FADS2: variants seen among roughly 807,000 people sequenced by gnomAD.
FADS2 encodes the protein fatty acid desaturase 2, also known as acyl-CoA 6-desaturase.
In FADS2, 18 loss-of-function variants were observed where a neutral mutation model predicts 61.2. The ratio of observed to expected loss-of-function variants is 0.29; its 90% confidence interval spans 0.20 to 0.44. The LOEUF (loss-of-function observed/expected upper bound fraction) is 0.44. FADS2 is among the 20% of genes least tolerant of loss of function. FADS2 has a pLI of 1.00. For synonymous variants in FADS2, 203 were observed against 223.9 expected (o/e 0.91, Z 0.83); for missense variants, 322 against 572.7 (o/e 0.56, Z 4.47).
intron 4 of FADS2, among the ~76,000 whole-genome samples, chr11:61,846,131 C>CTTTTTTTTTTTTTTT (rs550169322): frequency 7.7e-6 from 1 of 130,482 alleles, no homozygotes; most frequent in East Asian, 2.3e-4. Flanking sequence ...TCTTTCTTTT[C>CTTTTTTTTTTTTTTT]TTTTTTTTTT....
chr11:61,840,585 G>A (rs2067210925), intron 3 of FADS2, 39 bp from the exon 4 acceptor site: 1 of 1,613,494 alleles, frequency 6.2e-7, no homozygotes, highest in Non-Finnish European at 8.5e-7. Flanking sequence ...GTGCCTGTTT[G>A]CTGAGGCTGT....
intron 1 of FADS2, among the ~76,000 whole-genome samples, chr11:61,830,222 G>A (rs2067117514): frequency 6.6e-6 from 1 of 152,196 alleles, no homozygotes; most frequent in Admixed American, 6.5e-5. Context: ...GATTTCATAG[G>A]TAAATTGTAG....
chr11:61,817,133 G>T (rs987813912), intron 1 of FADS2: 5 of 541,916 alleles, frequency 9.2e-6, no homozygotes, highest in Admixed American at 4.4e-5. Context: ...TGCAGGCCCT[G>T]GGTGCGGGGC....
Position 61,848,585 on chromosome 11 carries a change from A to T in FADS2, c.744+301A>T, listed in dbSNP as rs557338311. 1.5e-4 allele frequency: 53 copies of T among 354,094 alleles called. No individual in the cohort carries two copies. In the East Asian group the frequency reaches 2.9e-3, roughly 19 times the overall value. The allele number at this position is 354,094 out of a possible 1,614,324, so 21.9% of individuals were successfully genotyped here. A position where few individuals can be genotyped will look rare whatever the true frequency, so the allele number is the denominator to read the frequency against. ...GCTGGAATGTATGTGGAATGGCCTC[A>T]CCTGTAAATACAGACACAGCTCCTC... On this transcript the variant is annotated intron_variant, in intron 5 of 11. Coordinates refer to ENST00000278840, the MANE Select transcript of FADS2 (RefSeq NM_004265.4).
chr11:61,835,738 G>A (rs887496287), intron 1 of FADS2, among the ~76,000 whole-genome samples: 1 of 151,994 alleles, frequency 6.6e-6, no homozygotes, highest in Non-Finnish European at 1.5e-5. Flanking sequence ...CTTAAATGTT[G>A]AAGGAACAAG....
chr11:61,862,117 G>C (rs1565337579), intron 7 of FADS2: 1 of 152,440 alleles, frequency 6.6e-6, no homozygotes, highest in Non-Finnish European at 1.5e-5. Flanking sequence ...AGGCCCCGGG[G>C]AGGGAGTAAG....
intron 1 of FADS2, among the ~76,000 whole-genome samples, chr11:61,834,564 G>C (rs1199437777): frequency 1.3e-5 from 2 of 152,190 alleles, no homozygotes; most frequent in Non-Finnish European, 2.9e-5. Context: ...CTCGTCATCT[G>C]TCTGCTCCCT....
At chr11:61,834,572 C>T (rs968331103) in intron 1 of FADS2, among the ~76,000 whole-genome samples, 1 of 152,182 alleles carries the variant, frequency 6.6e-6, no homozygotes, top group Non-Finnish European at 1.5e-5. Flanking sequence ...CTGTCTGCTC[C>T]CTTGGAGTTG....
At chr11:61,824,482 G>GAAAGAAAGAA (rs1565325356), upstream of FADS2, among the ~76,000 whole-genome samples, 2 of 8,742 alleles carry the variant, frequency 2.3e-4, 1 homozygote, top group East Asian at 0.11. Context: ...GAGAGAGAGA[G>GAAAGAAAGAA]AGAGAGAGAA....
At chr11:61,819,169 C>T (rs1455848926) in intron 1 of FADS2, among the ~76,000 whole-genome samples, 1 of 151,626 alleles carries the variant, frequency 6.6e-6, no homozygotes, top group Non-Finnish European at 1.5e-5. Flanking sequence ...CCACCGCACC[C>T]GGCCAGAATT....
intron 5 of FADS2, among the ~76,000 whole-genome samples, chr11:61,851,246 T>C (rs2067304391): frequency 6.6e-6 from 1 of 152,196 alleles, no homozygotes; most frequent in African/African-American, 2.4e-5. Context: ...TCTCTGTGTC[T>C]CCAACAAAGA....
At chr11:61,839,137 TC>T (rs2067198017) in intron 2 of FADS2, among the ~76,000 whole-genome samples, 1 of 151,812 alleles carries the variant, frequency 6.6e-6, no homozygotes, top group Non-Finnish European at 1.5e-5. Flanking sequence ...CCTCCTTGAC[TC>T]CGCTTTGCCT....
In FADS2 at chr11:61,816,967, C is replaced by T; in HGVS notation, c.141+541C>T. ...GTGGCGCGGGGAGCGAGATCCCGTCCCCCGGTGGGTCTTGGGCAACTCACA... is the reference window on the plus strand; with the variant it reads ...GTGGCGCGGGGAGCGAGATCCCGTCTCCCGGTGGGTCTTGGGCAACTCACA... On this transcript the variant is annotated intron_variant, in intron 1 of 11. Coordinates refer to the FADS2 transcript ENST00000257261. The surrounding 1 kb of genome is among the most constrained non-coding windows in gnomAD (Gnocchi z 7.0). 7.3e-7 allele frequency: 1 copy of T among 1,369,138 alleles called. No individual in the cohort carries two copies. The highest frequency in any genetic ancestry group is 9.4e-7 in the Non-Finnish European group (1 of 1,069,146). The allele number at this position is 1,369,138 out of a possible 1,614,324, so 84.8% of individuals were successfully genotyped here.
At chr11:61,831,960 G>A (rs937734351) in intron 1 of FADS2, among the ~76,000 whole-genome samples, 14 of 152,164 alleles carry the variant, frequency 9.2e-5, no homozygotes, top group Admixed American at 7.2e-4. Context: ...CATCTTCAGC[G>A]ACAATTCATC....
chr11:61,835,560 AT>A (rs57778794), intron 1 of FADS2, among the ~76,000 whole-genome samples: 2,555 of 138,890 alleles, frequency 0.018, 47 homozygotes, highest in South Asian at 0.047. Flanking sequence ...CACCTGGCTA[AT>A]TTTTTTTTTT....
chr11:61,857,649 T>G, intron 7 of FADS2, 119 bp downstream of exon 7: 1 of 788,632 alleles, frequency 1.3e-6, no homozygotes, highest in Non-Finnish European at 2.2e-6. Flanking sequence ...CCCAGGCATC[T>G]CCTCCCTGGG....
rs370314491 is a variant in FADS2 at position 61,865,711 on chromosome 11, G to T, written c.*22G>T. On this transcript the variant is annotated 3_prime_UTR_variant, in exon 12 of 12. Coordinates refer to ENST00000278840, the MANE Select transcript of FADS2 (RefSeq NM_004265.4). This position sits in a 1 kb window ranked among gnomAD's most constrained non-coding sequence, Gnocchi z 4.1. ...ATGAAGCCACAGCCCCCGGGACACCGTGGGGAAGGGGTGCAGGTGGGGTGA... is the reference window on the plus strand; with the variant it reads ...ATGAAGCCACAGCCCCCGGGACACCTTGGGGAAGGGGTGCAGGTGGGGTGA... 10 of 1,601,764 alleles carry T rather than the reference G, an allele frequency of 6.2e-6. No individual in the cohort carries two copies. The highest frequency in any genetic ancestry group is 2.7e-5 in the African/African-American group (2 of 74,730).
upstream of FADS2, among the ~76,000 whole-genome samples, chr11:61,825,135 C>T (rs1033452990): frequency 3.3e-5 from 5 of 152,146 alleles, no homozygotes; most frequent in Non-Finnish European, 5.9e-5. Context: ...TCAAACATAA[C>T]GTTAAAATAG....
intron 4 of FADS2, among the ~76,000 whole-genome samples, chr11:61,842,860 G>A (rs927105656): frequency 2.6e-5 from 4 of 152,252 alleles, no homozygotes; most frequent in African/African-American, 9.6e-5. Flanking sequence ...AAGGGGACTG[G>A]CTACAGGGAG....
Sources: allele counts gnomAD v4.1 joint callset (sites outside exome capture counted in the v4.1 genomes callset), GRCh38; gene constraint gnomAD v4.1.1; non-coding constraint Gnocchi (gnomAD v3.1); transcripts MANE v1.5; gene names NCBI Gene and HGNC (gene_info 2026-07-23, HGNC 2026-07-21).